The following KIRREL2 variants were observed in gnomAD, a reference collection of about 807,000 sequenced individuals.
The protein encoded by KIRREL2 is kin of IRRE-like protein 2.
Under a neutral mutation model 73.4 loss-of-function variants are expected in KIRREL2, and 56 were observed. The observed-to-expected ratio is 0.76, with a 90% CI of 0.62 to 0.95. The LOEUF (loss-of-function observed/expected upper bound fraction) is 0.95, where lower values mean the gene tolerates loss of function less well. Ranked by LOEUF, KIRREL2 falls within the 40% of genes least tolerant of loss-of-function variation. The pLI, the probability that KIRREL2 is intolerant of heterozygous loss-of-function variation, is 0.00. For synonymous variants in KIRREL2, 407 were observed against 404.0 expected (o/e 1.01, Z -0.09); for missense variants, 896 against 935.0 (o/e 0.96, Z 0.54).
intron 14 of KIRREL2, among the ~76,000 whole-genome samples, chr19:35,865,143 G>A (rs892235947): frequency 2.7e-5 from 4 of 147,390 alleles, no homozygotes; most frequent in African/African-American, 7.6e-5. Context: ...TCTCTCTCCT[G>A]CGTACCTAGC....
Position 35,858,503 on chromosome 19 carries a change from T to C in KIRREL2, c.307T>C (p.Cys103Arg). 6.2e-7 allele frequency: 1 copy of C among 1,614,160 alleles called. No individual in the cohort carries two copies. Reference protein sequence around the residue: ...VELEDEASYECQATQAGLRSR... With the variant: ...VELEDEASYERQATQAGLRSR... ...GCTAGAGGATGAAGCATCATATGAA[T>C]GTCAGGCTACACAAGCAGGCCTCCG... Residue 103 changes from cysteine to arginine, a missense_variant, in exon 3 of 15, where the codon TGT becomes CGT. By Grantham distance (180) the Cys-to-Arg change is radical. Coordinates refer to ENST00000360202, the MANE Select transcript of KIRREL2 (RefSeq NM_199180.4).
At chr19:35,851,666 G>A (rs116617171), upstream of KIRREL2, 894 of 1,612,420 alleles carry the variant, frequency 5.5e-4, 9 homozygotes, top group East Asian at 0.018. Flanking sequence ...CGCCAACTGC[G>A]CCAGGCCTGA....
Position 35,862,976 on chromosome 19 carries a change from C to T in KIRREL2, c.1665C>T (p.Ser555=), listed in dbSNP as rs1023930133. ...EQKNLMRIPG[S]SDGSSSRGPE... ...AGAACCTGATGCGAATCCCTGGCAGCAGCGACGGCTCCAGTTCACGAGGTC... is the reference window on the plus strand; with the variant it reads ...AGAACCTGATGCGAATCCCTGGCAGTAGCGACGGCTCCAGTTCACGAGGTC... Residue 555 remains serine (S), a synonymous_variant, in exon 13 of 15, where the codon AGC becomes AGT. Coordinates refer to ENST00000360202, the MANE Select transcript of KIRREL2 (RefSeq NM_199180.4). 3 of 1,593,232 alleles carry T rather than the reference C, an allele frequency of 1.9e-6. No homozygotes were observed. Among genetic ancestry groups the T allele is most frequent in the African/African-American group, 2.7e-5 (2 of 74,776 alleles).
intron 5 of KIRREL2, 128 bp from the exon 6 acceptor site, chr19:35,860,169 T>G (rs1457227415): frequency 2.1e-5 from 15 of 713,894 alleles, no homozygotes; most frequent in Non-Finnish European, 3.2e-5. Flanking sequence ...CCCAGACTCC[T>G]GGCTCAAAGG....
At position 35,862,931 on chromosome 19, in the gene KIRREL2, AGC is replaced by A; in HGVS notation, c.1621_1622del (p.Ala541LeufsTer24). On this transcript the variant is annotated frameshift_variant, in exon 13 of 15. Transcript: ENST00000360202. LOFTEE classifies it high-confidence loss of function. The part of the protein sequence containing the change: ...LCCWRHSKAS[A>X]SFSEQKNLMR... ...CCACCGGTCGCTGTTTGTCAGCCTC[AGC>A]CTCTTTCTCCGAGCAAAAGAACCTG... 6.4e-7 allele frequency: 1 copy of A among 1,563,510 alleles called. No individual in the cohort carries two copies. Among genetic ancestry groups the A allele is most frequent in the Non-Finnish European group, 8.7e-7 (1 of 1,151,966 alleles).
intron 11 of KIRREL2, 70 bp from the exon 12 acceptor site, chr19:35,862,422 AC>A (rs1973734773): frequency 8.6e-7 from 1 of 1,167,568 alleles, no homozygotes; most frequent in South Asian, 1.2e-5. Flanking sequence ...GGAATCCCAA[AC>A]TCAATCCCTG....
At chr19:35,855,706 C>CACACACACACACACACACAT (rs1491182830), upstream of KIRREL2, among the ~76,000 whole-genome samples, 5 of 90,484 alleles carry the variant, frequency 5.5e-5, no homozygotes, top group African/African-American at 1.5e-4. Flanking sequence ...CACACACACA[C>CACACACACACACACACACAT]ATACACACAG....
At position 35,866,395 on chromosome 19, in the gene KIRREL2, C is replaced by T. The variant is rs559809591; in HGVS notation, c.2030C>T (p.Thr677Ile). 3.1e-6 allele frequency: 5 copies of T among 1,613,622 alleles called. No individual in the cohort carries two copies. The highest frequency in any genetic ancestry group is 2.7e-5 in the African/African-American group (2 of 74,994). ...PRAFTSYIKP[T>I]SFGPPDLAPG... ...GCTTTCACCAGCTACATCAAACCCA[C>T]ATCCTTTGGGCCCCCAGATCTGGCC... The change falls in exon 15 of 15, where the codon ACA (threonine) becomes ATA (isoleucine). Residue 677 changes from threonine to isoleucine, a missense_variant. By Grantham distance (89) the Thr-to-Ile change is moderately conservative. Transcript: ENST00000360202.
At position 35,862,463 on chromosome 19, in the gene KIRREL2, T is replaced by C. The variant is rs200628221; in HGVS notation, c.1511-30T>C. The C allele has an allele frequency of 3.2e-6, 5 of 1,549,628 alleles. No individual in the cohort carries two copies. In the Admixed American group the frequency reaches 8.4e-5, roughly 26 times the overall value. On this transcript the variant is annotated intron_variant, in intron 11 of 14. Coordinates refer to ENST00000360202, the MANE Select transcript of KIRREL2 (RefSeq NM_199180.4). ...CCCGCTTCCTGGTTCCCCCTCAGCC[T>C]TCTCAGGATGTCCCCTCTGCTCCCT...
rs183160537 is a variant in KIRREL2 at position 35,857,518 on chromosome 19, G to T, written c.211+24G>T. ...AGGTAAGAGTGTTCTCTCCACGCTG[G>T]GACGGGCTGGCTAGGGGGAGAGTTG... On this transcript the variant is annotated intron_variant, in intron 2 of 14. Coordinates refer to ENST00000360202, the MANE Select transcript of KIRREL2 (RefSeq NM_199180.4). The T allele has an allele frequency of 1.9e-4, 291 of 1,522,588 alleles. No individual in the cohort carries two copies. The African/African-American group carries it at 3.7e-3, about 19-fold the overall frequency. The allele number at this position is 1,522,588 out of a possible 1,614,324, so 94.3% of individuals were successfully genotyped here. A position where few individuals can be genotyped will look rare whatever the true frequency, so the allele number is the denominator to read the frequency against.
intron 14 of KIRREL2, among the ~76,000 whole-genome samples, chr19:35,865,309 G>A (rs1240064640): frequency 6.6e-6 from 1 of 150,690 alleles, no homozygotes; most frequent in Non-Finnish European, 1.5e-5. Flanking sequence ...CCTAATAGCT[G>A]GCTAATTTTT....
At position 35,862,589 on chromosome 19, in the gene KIRREL2, A is replaced by C. The variant is rs1293434521; in HGVS notation, c.1607A>C (p.His536Pro). 2.5e-6 allele frequency: 4 copies of C among 1,606,462 alleles called. No individual in the cohort carries two copies. The highest frequency in any genetic ancestry group is 3.3e-4 in the Middle Eastern group (2 of 6,062). ...GGGGTGGCCCTCTGCTGCTGGCGCC[A>C]CAGCAAGGGTTAGTGCCTGAGCCCC... The part of the protein sequence containing the change: ...ITGVALCCWR[H>P]SKASASFSEQ... The change falls in exon 12 of 15, where the codon CAC becomes CCC. Residue 536 changes from histidine to proline, a missense_variant. By Grantham distance (77) the His-to-Pro change is moderately conservative (BLOSUM62 -2). Transcript: ENST00000360202.
upstream of KIRREL2, chr19:35,856,821 C>A: frequency 4.0e-6 from 2 of 500,992 alleles, no homozygotes; most frequent in South Asian, 2.2e-5. This position sits in a 1 kb window ranked among gnomAD's most constrained non-coding sequence, Gnocchi z 5.9. Flanking sequence ...CGCGTCTCAG[C>A]CGCGGGAGTT....
upstream of KIRREL2, among the ~76,000 whole-genome samples, chr19:35,855,644 C>T (rs12975169): frequency 0.062 from 9,022 of 145,390 alleles, 390 homozygotes; most frequent in Admixed American, 0.13. Context: ...TACCCACCCC[C>T]GCACCTCCCC....
At chr19:35,861,772 C>CT in intron 10 of KIRREL2, 33 bp from the exon 11 acceptor site, 1 of 1,587,958 alleles carries the variant, frequency 6.3e-7, no homozygotes, top group Non-Finnish European at 8.6e-7. Context: ...CCTCCTCAGT[C>CT]TCCTCCGTGT....
At chr19:35,865,806 C>G (rs543337472) in intron 14 of KIRREL2, among the ~76,000 whole-genome samples, 57 of 152,294 alleles carry the variant, frequency 3.7e-4, no homozygotes, top group African/African-American at 1.3e-3. Context: ...TAGTGACATG[C>G]CTTGTAGCAG....
At chr19:35,860,437 G>C in intron 6 of KIRREL2, 35 bp downstream of exon 6, 1 of 1,608,560 alleles carries the variant, frequency 6.2e-7, no homozygotes, top group South Asian at 1.1e-5. Flanking sequence ...CCAGCCCCAA[G>C]AGTGAGCTTG....
chr19:35,863,150 G>A (rs1055065861), intron 13 of KIRREL2, 114 bp downstream of exon 13: 2 of 639,384 alleles, frequency 3.1e-6, no homozygotes, highest in South Asian at 1.8e-5. Flanking sequence ...GGTGCCTGAC[G>A]TTGGTAATAC....
At chr19:35,851,659 C>T, upstream of KIRREL2, 1 of 1,613,096 alleles carries the variant, frequency 6.2e-7, no homozygotes, top group Non-Finnish European at 8.5e-7. Context: ...CAGGAATCGC[C>T]AACTGCGCCA....
Sources: gnomAD v4.1 joint callset for allele counts (sites outside exome capture counted in the v4.1 genomes callset) on GRCh38, gnomAD v4.1.1 for gene constraint, Gnocchi (gnomAD v3.1) non-coding constraint, MANE v1.5 for transcripts, NCBI Gene and HGNC (gene_info 2026-07-23, HGNC 2026-07-21) for gene names.